Variants in PTPRD observed in about 807,000 individuals in gnomAD.
The protein encoded by PTPRD is protein tyrosine phosphatase receptor type D, also known as receptor-type tyrosine-protein phosphatase delta.
In PTPRD, 34 loss-of-function variants were observed where a neutral mutation model predicts 214.5. The ratio of observed to expected loss-of-function variants is 0.16; its 90% confidence interval spans 0.12 to 0.21. The LOEUF is 0.21. Ranked by LOEUF, PTPRD falls within the 10% of genes least tolerant of loss-of-function variation. The pLI is 1.00. For synonymous variants in PTPRD, 1,128 were observed against 845.7 expected, an observed-to-expected ratio of 1.33 and a Z score of -5.79; for missense variants, 2,545 against 2,398.7, an observed-to-expected ratio of 1.06 and a Z score of -1.27.
chr9:10,113,540 A>T lies in PTPRD; in HGVS notation c.-544-79750T>A, dbSNP rs375165146. Among the ~76,000 whole-genome samples the T allele has an allele frequency of 3.3e-4, 50 of 152,322 alleles. 2 individuals are homozygous for T. The highest frequency in any genetic ancestry group is 2.2e-3 in the Admixed American group (33 of 15,300). ...ATGCCATGTTTTTCAAACTTATCCA[A>T]TGATAATGATCACCTAGGGAGCTTA... On this transcript the variant is annotated intron_variant, in intron 3 of 45. Transcript: ENST00000381196.
At chr9:10,020,013 T>C (rs1479361779) in intron 4 of PTPRD, among the ~76,000 whole-genome samples, 2 of 152,298 alleles carry the variant, frequency 1.3e-5, no homozygotes, top group East Asian at 1.9e-4. Flanking sequence ...TTACAATGTT[T>C]GGCACAATAA....
intron 10 of PTPRD, among the ~76,000 whole-genome samples, chr9:9,031,846 G>A (rs2099606508): frequency 6.6e-6 from 1 of 151,962 alleles, no homozygotes; most frequent in Non-Finnish European, 1.5e-5. Context: ...GGACGTGCTG[G>A]CATTTGAGCA....
intron 7 of PTPRD, among the ~76,000 whole-genome samples, chr9:9,596,610 A>G (rs1057328950): frequency 6.6e-6 from 1 of 152,002 alleles, no homozygotes; most frequent in Non-Finnish European, 1.5e-5. Context: ...TCTCCTTTCA[A>G]ATGATACAGT....
intron 5 of PTPRD, among the ~76,000 whole-genome samples, chr9:9,863,156 G>A (rs931235897): frequency 1.3e-5 from 2 of 152,108 alleles, no homozygotes; most frequent in African/African-American, 4.8e-5. Context: ...CTCTTCACTT[G>A]AAAAGCTGAC....
chr9:10,364,003 T>TTTTTTG (rs2097456174), intron 2 of PTPRD, among the ~76,000 whole-genome samples: 1 of 81,766 alleles, frequency 1.2e-5, no homozygotes, highest in Non-Finnish European at 3.3e-5. Flanking sequence ...TTTTTTTTTT[T>TTTTTTG]TTTTTTTTTT....
intron 10 of PTPRD, among the ~76,000 whole-genome samples, chr9:9,093,519 T>C (rs1452402309): frequency 6.6e-6 from 1 of 151,916 alleles, no homozygotes; most frequent in Non-Finnish European, 1.5e-5. Flanking sequence ...CAGAAATTAG[T>C]AATAAACAAT....
intron 3 of PTPRD, among the ~76,000 whole-genome samples, chr9:10,039,110 C>G (rs1480676359): frequency 6.6e-6 from 1 of 152,096 alleles, no homozygotes; most frequent in Non-Finnish European, 1.5e-5. Flanking sequence ...TCACAAAACT[C>G]TTCCTATCCC....
At chr9:8,808,780 G>A (rs959573410) in intron 11 of PTPRD, among the ~76,000 whole-genome samples, 6 of 152,098 alleles carry the variant, frequency 3.9e-5, no homozygotes, top group African/African-American at 1.4e-4. Flanking sequence ...GTTGATAATA[G>A]TTCTTCCTAG....
At chr9:9,232,217 A>G (rs560655875) in intron 9 of PTPRD, among the ~76,000 whole-genome samples, 183 of 152,278 alleles carry the variant, frequency 1.2e-3, no homozygotes, top group African/African-American at 3.9e-3. Flanking sequence ...TACTGAAAGG[A>G]GGTTTAGAAG....
chr9:9,538,327 A>T (rs1033351188), intron 8 of PTPRD, among the ~76,000 whole-genome samples: 1 of 151,988 alleles, frequency 6.6e-6, no homozygotes, highest in African/African-American at 2.4e-5. Flanking sequence ...ATTTCCCTTT[A>T]GGGATAAAAA....
At chr9:10,269,757 GT>G (rs2094313189) in intron 3 of PTPRD, among the ~76,000 whole-genome samples, 3 of 151,434 alleles carry the variant, frequency 2.0e-5, no homozygotes, top group Non-Finnish European at 1.5e-5. Context: ...CATAATTTGT[GT>G]TTTACAAAAA....
At chr9:10,267,643 C>T (rs2094156165) in intron 3 of PTPRD, among the ~76,000 whole-genome samples, 1 of 152,146 alleles carries the variant, frequency 6.6e-6, no homozygotes, top group Non-Finnish European at 1.5e-5. Context: ...TTTCTTAAAA[C>T]ATTTTGGCAT....
intron 5 of PTPRD, among the ~76,000 whole-genome samples, chr9:9,935,889 A>C (rs978590880): frequency 2.7e-5 from 4 of 150,242 alleles, no homozygotes; most frequent in African/African-American, 9.9e-5. Context: ...GATATAGATC[A>C]ATGGAACAGA....
chr9:9,365,218 G>C (rs895688019), intron 9 of PTPRD, among the ~76,000 whole-genome samples: 4 of 151,534 alleles, frequency 2.6e-5, no homozygotes, highest in Admixed American at 2.6e-4. Flanking sequence ...TTGCCACTTA[G>C]CTTAAGATCA....
chr9:9,516,378 G>A (rs191501646), intron 8 of PTPRD, among the ~76,000 whole-genome samples: 18 of 152,016 alleles, frequency 1.2e-4, no homozygotes, highest in African/African-American at 3.1e-4. Context: ...CAGCCTCTAC[G>A]TTGTGTGAAC....
At chr9:8,321,207 T>A (rs1827057396) in intron 44 of PTPRD, among the ~76,000 whole-genome samples, 1 of 151,948 alleles carries the variant, frequency 6.6e-6, no homozygotes, top group Non-Finnish European at 1.5e-5. Flanking sequence ...AGATTTATTA[T>A]CTTTTTGTTG....
intron 7 of PTPRD, among the ~76,000 whole-genome samples, chr9:9,694,727 G>A (rs907371072): frequency 1.3e-5 from 2 of 152,074 alleles, no homozygotes; most frequent in African/African-American, 2.4e-5. Context: ...CAAAGGAAGA[G>A]GAGCCTCTCC....
At chr9:8,633,944 C>T (rs746588979) in intron 13 of PTPRD, among the ~76,000 whole-genome samples, 1 of 151,944 alleles carries the variant, frequency 6.6e-6, no homozygotes, top group African/African-American at 2.4e-5. Context: ...GATAGGCAAA[C>T]CACGAAAAGA....
intron 5 of PTPRD, among the ~76,000 whole-genome samples, chr9:9,905,050 T>C (rs568625423): frequency 6.6e-6 from 1 of 152,168 alleles, no homozygotes; most frequent in Admixed American, 6.6e-5. Flanking sequence ...TTAATATTCA[T>C]TGTGATCTAC....
Sources: allele counts gnomAD v4.1 joint callset (sites outside exome capture counted in the v4.1 genomes callset), GRCh38; gene constraint gnomAD v4.1.1; transcripts MANE v1.5; gene names NCBI Gene and HGNC (gene_info 2026-07-23, HGNC 2026-07-21).